DLC1: variants seen among roughly 807,000 people sequenced by gnomAD.
DLC1 encodes DLC1 Rho GTPase activating protein.
DLC1 carries 54 observed loss-of-function variants against 140.3 expected under a neutral mutation model. The observed-to-expected ratio is 0.38, with a 90% CI of 0.31 to 0.48. The LOEUF is 0.48. Among genes scored for constraint, DLC1 ranks in the 20% least tolerant of loss-of-function variants. DLC1 has a pLI of 0.96. For missense variants in DLC1, 2,536 were observed against 1,907.0 expected (o/e 1.33, Z -6.14); for synonymous variants, 986 against 728.1 (o/e 1.35, Z -5.70).
chr8:13,496,945 C>T (rs1039694379), intron 2 of DLC1, among the ~76,000 whole-genome samples: 3 of 151,596 alleles, frequency 2.0e-5, no homozygotes, highest in South Asian at 2.1e-4. Context: ...GGACTATAGG[C>T]GCCTGCCACC....
chr8:13,092,784 T>C lies in DLC1; in HGVS notation c.3568A>G (p.Ile1190Val). 4 of 1,614,088 alleles carry C rather than the reference T, an allele frequency of 2.5e-6. No individual in the cohort carries two copies. Among genetic ancestry groups the C allele is most frequent in the Non-Finnish European group, 2.5e-6 (3 of 1,179,996 alleles). The change falls in exon 13 of 18, where the codon ATC becomes GTC. Residue 1190 changes from isoleucine to valine, a missense_variant. Transcript: ENST00000276297. ...CGGTTCTCGTCAGGCAGCAGCATGATGGCAGCCTTGATGGCCTGCAGGCGC... is the reference window on the plus strand; with the variant it reads ...CGGTTCTCGTCAGGCAGCAGCATGACGGCAGCCTTGATGGCCTGCAGGCGC... ...DQRLQAIKAAIMLLPDENREV... is the reference protein window; with the variant it reads ...DQRLQAIKAAVMLLPDENREV...
chr8:13,089,714 G>C (rs1289943256), intron 15 of DLC1, among the ~76,000 whole-genome samples: 1 of 152,138 alleles, frequency 6.6e-6, no homozygotes, highest in East Asian at 1.9e-4. Flanking sequence ...CCCACTGTTT[G>C]TTTATTTTCA....
At chr8:13,489,835 G>A (rs1801157302) in intron 2 of DLC1, among the ~76,000 whole-genome samples, 1 of 152,156 alleles carries the variant, frequency 6.6e-6, no homozygotes, top group Non-Finnish European at 1.5e-5. Context: ...ACTAGAATTT[G>A]CATTATTTTC....
chr8:13,444,664 A>C (rs1213106703), intron 2 of DLC1, among the ~76,000 whole-genome samples: 1 of 152,226 alleles, frequency 6.6e-6, no homozygotes, highest in Non-Finnish European at 1.5e-5. Flanking sequence ...TCCCAAATTT[A>C]TCTTGACACA....
intron 5 of DLC1, among the ~76,000 whole-genome samples, chr8:13,270,122 A>G (rs1430450870): frequency 6.6e-6 from 1 of 152,166 alleles, no homozygotes; most frequent in African/African-American, 2.4e-5. Context: ...TAAATAATTC[A>G]TTTGAAATAG....
upstream of DLC1, among the ~76,000 whole-genome samples, chr8:13,517,652 C>G (rs899060554): frequency 3.9e-5 from 6 of 152,296 alleles, no homozygotes; most frequent in South Asian, 1.0e-3. Flanking sequence ...CTTCTTTCTA[C>G]TTGCAAATCT....
rs1818830651 is a variant in DLC1, at chr8:13,099,640, G to A, written c.2697C>T (p.Asn899=). The change falls in exon 9 of 18, where the codon AAC becomes AAT. Residue 899 remains asparagine, a synonymous_variant. Transcript: ENST00000276297. ...CGTCCAGCTCGGGGAAGATGTCCTC[G>A]TTCTCCAGATCCGCCAGGTCCCCTG... The part of the protein sequence containing the change: ...SSSGDLADLE[N]EDIFPELDDI... 1.9e-6 allele frequency: 3 copies of A among 1,614,064 alleles called. No homozygotes were observed. The highest frequency in any genetic ancestry group is 1.7e-5 in the Admixed American group (1 of 60,004).
chr8:13,139,066 C>T (rs1300687650), intron 5 of DLC1, among the ~76,000 whole-genome samples: 1 of 151,882 alleles, frequency 6.6e-6, no homozygotes, highest in South Asian at 2.1e-4. Flanking sequence ...GGGAAAATCA[C>T]AAGCCCACGA....
At chr8:13,436,251 G>A (rs1046404997) in intron 2 of DLC1, among the ~76,000 whole-genome samples, 2 of 152,174 alleles carry the variant, frequency 1.3e-5, no homozygotes, top group Non-Finnish European at 2.9e-5. Context: ...GTATGAATGT[G>A]CGTAGGAAAC....
Position 13,247,862 on chromosome 8 carries a change from C to A in DLC1, c.1348+57407G>T, listed in dbSNP as rs566869511. On this transcript the variant is annotated intron_variant, in intron 5 of 17. Coordinates refer to ENST00000276297, the MANE Select transcript of DLC1 (RefSeq NM_182643.3). ...ATTTTACTAATATTATAGCTGGCCC[C>A]ATAGTGCTATCCATAACCGCTCAAA... Among the ~76,000 whole-genome samples the A allele has an allele frequency of 3.0e-4, 46 of 152,306 alleles. 1 individual carries two copies. In the South Asian group the frequency reaches 9.5e-3, roughly 32 times the overall value.
chr8:13,239,237 T>G (rs542367360), intron 5 of DLC1, among the ~76,000 whole-genome samples: 65 of 152,236 alleles, frequency 4.3e-4, no homozygotes, highest in African/African-American at 1.5e-3. Context: ...GGGAGGCTTC[T>G]TAGAGTAAGA....
intron 5 of DLC1, among the ~76,000 whole-genome samples, chr8:13,150,553 C>A (rs935527523): frequency 6.6e-6 from 1 of 152,172 alleles, no homozygotes. Flanking sequence ...AACACAGAAG[C>A]CTGCGATGGC....
intron 2 of DLC1, among the ~76,000 whole-genome samples, chr8:13,484,617 T>C (rs1212285345): frequency 6.6e-6 from 1 of 152,124 alleles, no homozygotes; most frequent in Non-Finnish European, 1.5e-5. Flanking sequence ...TTCTTGATTC[T>C]ATGTATCTGT....
chr8:13,418,708 G>T (rs1469963259), intron 2 of DLC1, among the ~76,000 whole-genome samples: 2 of 152,036 alleles, frequency 1.3e-5, no homozygotes, highest in Non-Finnish European at 2.9e-5. Flanking sequence ...CTCTTTTTTG[G>T]TTCCATATGA....
At chr8:13,196,801 T>C (rs1160024868) in intron 5 of DLC1, among the ~76,000 whole-genome samples, 2 of 152,232 alleles carry the variant, frequency 1.3e-5, no homozygotes, top group African/African-American at 4.8e-5. Flanking sequence ...GTGAAGTCAA[T>C]TATAATCATG....
chr8:13,225,747 C>T (rs1437159777), intron 5 of DLC1, among the ~76,000 whole-genome samples: 1 of 151,686 alleles, frequency 6.6e-6, no homozygotes, highest in African/African-American at 2.4e-5. Context: ...TCCTGAGTAG[C>T]TGGGACTACA....
At chr8:13,260,974 G>A (rs947674230) in intron 5 of DLC1, among the ~76,000 whole-genome samples, 3 of 152,184 alleles carry the variant, frequency 2.0e-5, no homozygotes, top group Non-Finnish European at 2.9e-5. Flanking sequence ...GGCAATCTGT[G>A]TGTATGCCTT....
At chr8:13,579,672 G>T (rs10097273) in intron 1 of DLC1, among the ~76,000 whole-genome samples, 84,995 of 136,790 alleles carry the variant, frequency 0.62, 26,734 homozygotes, top group South Asian at 0.78. Context: ...ACATACATAT[G>T]TATGTATGTA....
At chr8:13,313,289 CTT>C (rs1274841776) in intron 4 of DLC1, among the ~76,000 whole-genome samples, 3 of 152,166 alleles carry the variant, frequency 2.0e-5, no homozygotes, top group Non-Finnish European at 2.9e-5. Flanking sequence ...CCTACACAGT[CTT>C]TTGCTAAGTG....
Sources: gnomAD v4.1 joint callset for allele counts (sites outside exome capture counted in the v4.1 genomes callset) on GRCh38, gnomAD v4.1.1 for gene constraint, MANE v1.5 for transcripts, NCBI Gene and HGNC (gene_info 2026-07-23, HGNC 2026-07-21) for gene names.